PXK: variants seen among roughly 807,000 people sequenced by gnomAD.
The protein encoded by PXK is PX domain containing serine/threonine kinase like, also known as PX domain-containing protein kinase-like protein.
A neutral mutation model predicts 84.7 loss-of-function variants in PXK; 35 were observed. The ratio of observed to expected loss-of-function variants is 0.41; its 90% confidence interval spans 0.32 to 0.55. PXK has a LOEUF of 0.55. Ranked by LOEUF, PXK falls within the 20% of genes least tolerant of loss-of-function variation. The pLI, the probability that PXK is intolerant of heterozygous loss-of-function variation, is 0.21. For missense variants in PXK, 634 were observed against 699.7 expected (o/e 0.91, Z 1.06); for synonymous variants, 253 against 260.8 (o/e 0.97, Z 0.29).
intron 1 of PXK, among the ~76,000 whole-genome samples, chr3:58,361,105 G>A (rs1016098730): frequency 3.3e-4 from 50 of 151,476 alleles, no homozygotes; most frequent in African/African-American, 1.1e-3. Flanking sequence ...GAGACCAGCC[G>A]GGCCAAGGTG....
Position 58,419,156 on chromosome 3 carries a change from A to G in PXK, c.1529-5596A>G, listed in dbSNP as rs150808645. 4.7e-4 allele frequency among the ~76,000 whole-genome samples: 71 copies of G among 152,378 alleles called. No homozygotes were observed. The East Asian group carries it at 0.013, about 27-fold the overall frequency. On this transcript the variant is annotated intron_variant, in intron 17 of 17. Transcript: ENST00000356151. Reference sequence around the variant, plus strand: ...AAGTCTGTCTGTCTAGATTCTTCTCAGCCTCTCTGAGCAGCATTCCTTCCT... The same window carrying G: ...AAGTCTGTCTGTCTAGATTCTTCTCGGCCTCTCTGAGCAGCATTCCTTCCT...
chr3:58,404,367 A>G (rs2059066299), intron 13 of PXK, among the ~76,000 whole-genome samples: 1 of 152,094 alleles, frequency 6.6e-6, no homozygotes, highest in Admixed American at 6.6e-5. Flanking sequence ...TTTGGGTGAG[A>G]TGATTCTTTG....
rs555874091 is a variant in PXK, at chr3:58,417,891, G to C, written c.1528+4928G>C. Among the ~76,000 whole-genome samples the C allele has an allele frequency of 2.6e-5, 4 of 152,286 alleles. No individual in the cohort carries two copies. The East Asian group carries it at 5.8e-4, about 22-fold the overall frequency. On this transcript the variant is annotated intron_variant, in intron 17 of 17. Coordinates refer to ENST00000356151, the MANE Select transcript of PXK (RefSeq NM_017771.5). ...GGGTCTCTCTCTGTCACCTTGGCTG[G>C]AATGCAGTGGTGCAATCACGGCTCA...
At chr3:58,382,012 A>G (rs1180726457) in intron 3 of PXK, among the ~76,000 whole-genome samples, 1 of 152,152 alleles carries the variant, frequency 6.6e-6, no homozygotes, top group East Asian at 1.9e-4. Context: ...TAAAAAAATA[A>G]AGTTTTAAAA....
chr3:58,351,569 T>G (rs1388626034), intron 1 of PXK, among the ~76,000 whole-genome samples: 1 of 152,162 alleles, frequency 6.6e-6, no homozygotes, highest in East Asian at 1.9e-4. Flanking sequence ...CCAGGATTTC[T>G]TATTTTAAAG....
In PXK at chr3:58,332,914, C is replaced by A; in HGVS notation, c.-75C>A. ...CGTGTTGACAGCGGCGGCGGTGGAA[C>A]CGGGCGGGCGGCGGGAGTCGGCGCC... On this transcript the variant is annotated 5_prime_UTR_variant, in exon 1 of 18. Coordinates refer to ENST00000356151, the MANE Select transcript of PXK (RefSeq NM_017771.5). This position sits in a 1 kb window ranked among gnomAD's most constrained non-coding sequence, Gnocchi z 5.6. The A allele has an allele frequency of 2.0e-6, 2 of 979,336 alleles. No homozygotes were observed. The highest frequency in any genetic ancestry group is 2.6e-6 in the Non-Finnish European group (2 of 763,622). 60.7% of individuals were successfully genotyped at this position (979,336 alleles called of 1,614,324 possible). A position where few individuals can be genotyped will look rare whatever the true frequency, so the allele number is the denominator to read the frequency against.
In PXK at chr3:58,390,316, A is replaced by G. The variant is rs1368508842; in HGVS notation, c.389-266A>G. Among the ~76,000 whole-genome samples, 2 of 152,218 alleles carry G rather than the reference A, an allele frequency of 1.3e-5. No individual in the cohort carries two copies. The highest frequency in any genetic ancestry group is 1.9e-4 in the East Asian group (1 of 5,200). Reference sequence around the variant, plus strand: ...TTTATCAAAACTAGAAGTGAATATTAGTAATGTTACTATTAACTATGGGCT... The same window carrying G: ...TTTATCAAAACTAGAAGTGAATATTGGTAATGTTACTATTAACTATGGGCT... On this transcript the variant is annotated intron_variant, in intron 4 of 17. Coordinates refer to ENST00000356151, the MANE Select transcript of PXK (RefSeq NM_017771.5). This position sits in a 1 kb window ranked among gnomAD's most constrained non-coding sequence, Gnocchi z 4.2.
intron 1 of PXK, among the ~76,000 whole-genome samples, chr3:58,355,523 G>C (rs2098056268): frequency 6.6e-6 from 1 of 152,206 alleles, no homozygotes; most frequent in Admixed American, 6.5e-5. Context: ...GGGCCAGAAA[G>C]GTTCAAAATA....
chr3:58,382,868 T>A lies in PXK; in HGVS notation c.388+168T>A, dbSNP rs144686999. Among the ~76,000 whole-genome samples the A allele has an allele frequency of 2.9e-3, 437 of 152,364 alleles. 1 individual carries two copies. Among genetic ancestry groups the A allele is most frequent in the African/African-American group, 0.01 (424 of 41,582 alleles). Reference sequence around the variant, plus strand: ...TTTCTTGATTGTAGTTTACTGTAGATGTATAAGAAGAAAATAAGTTACTTC... The same window carrying A: ...TTTCTTGATTGTAGTTTACTGTAGAAGTATAAGAAGAAAATAAGTTACTTC... On this transcript the variant is annotated intron_variant, in intron 4 of 17. Coordinates refer to ENST00000356151, the MANE Select transcript of PXK (RefSeq NM_017771.5).
At chr3:58,393,021 T>G (rs1238760250) in intron 7 of PXK, among the ~76,000 whole-genome samples, 1 of 152,076 alleles carries the variant, frequency 6.6e-6, no homozygotes, top group South Asian at 2.1e-4. Flanking sequence ...TGGTGCATAT[T>G]AATTGTAGCA....
intron 1 of PXK, among the ~76,000 whole-genome samples, chr3:58,339,899 C>T (rs1311733369): frequency 1.3e-5 from 2 of 151,914 alleles, no homozygotes; most frequent in Non-Finnish European, 2.9e-5. Flanking sequence ...ACTGCAACCT[C>T]CACCTCCTGG....
intron 4 of PXK, among the ~76,000 whole-genome samples, chr3:58,389,922 C>T (rs2098606298): frequency 6.7e-6 from 1 of 150,048 alleles, no homozygotes; most frequent in Non-Finnish European, 1.5e-5. Context: ...TTGCTTGAAC[C>T]CAGGAGGTGG....
chr3:58,381,342 G>C (rs1293174669), intron 3 of PXK, among the ~76,000 whole-genome samples: 2 of 151,838 alleles, frequency 1.3e-5, no homozygotes, highest in African/African-American at 2.4e-5. Context: ...ACAAAATGGG[G>C]TTTAGTATGA....
rs1319584360 is a variant in PXK at position 58,416,781 on chromosome 3, T to TAGC, written c.1528+3818_1528+3819insAGC. On this transcript the variant is annotated intron_variant, in intron 17 of 17. Coordinates refer to ENST00000356151, the MANE Select transcript of PXK (RefSeq NM_017771.5). This position sits in a 1 kb window ranked among gnomAD's most constrained non-coding sequence, Gnocchi z 4.8. ...GATTATAGGCACTCACCACCACGCT[T>TAGC]GGCTAATATTTTTGTATTTTTGATA... is the stretch of plus-strand genomic sequence containing the variant. Among the ~76,000 whole-genome samples the TAGC allele has an allele frequency of 2.6e-5, 4 of 152,116 alleles. No homozygotes were observed. The highest frequency in any genetic ancestry group is 9.6e-5 in the African/African-American group (4 of 41,488).
At position 58,425,485 on chromosome 3, in the gene PXK, C is replaced by T. The variant is rs2062700909; in HGVS notation, c.*525C>T. The T allele has an allele frequency of 6.4e-6, 1 of 155,664 alleles. No homozygotes were observed. The highest frequency in any genetic ancestry group is 1.4e-5 in the Non-Finnish European group (1 of 70,330). The allele number at this position is 155,664 out of a possible 1,614,324, so 9.6% of individuals were successfully genotyped here. ...GTTACTTTGCTAAATCAGAAAGCAA[C>T]TGAGTTCTTTGTTTTCTCCTCAAAT... On this transcript the variant is annotated 3_prime_UTR_variant, in exon 18 of 18. Transcript: ENST00000356151.
chr3:58,415,579 G>A (rs141103032), intron 17 of PXK, among the ~76,000 whole-genome samples: 1 of 152,316 alleles, frequency 6.6e-6, no homozygotes, highest in African/African-American at 2.4e-5. Context: ...GCCCTCTTGG[G>A]CCTTTTATGG....
chr3:58,349,689 A>G (rs2097886592), intron 1 of PXK, among the ~76,000 whole-genome samples: 1 of 152,204 alleles, frequency 6.6e-6, no homozygotes, highest in African/African-American at 2.4e-5. Context: ...TATACCTGCA[A>G]ATAAACAGTC....
At chr3:58,373,360 C>T (rs1348792902) in intron 3 of PXK, among the ~76,000 whole-genome samples, 1 of 152,220 alleles carries the variant, frequency 6.6e-6, no homozygotes, top group Non-Finnish European at 1.5e-5. Context: ...CAGGCGTGAG[C>T]CACAGCGCCT....
At chr3:58,353,587 T>C (rs2097991384) in intron 1 of PXK, among the ~76,000 whole-genome samples, 1 of 152,122 alleles carries the variant, frequency 6.6e-6, no homozygotes, top group Admixed American at 6.5e-5. Flanking sequence ...AAGTGAAATA[T>C]TAAGGACTGT....
Sources: gnomAD v4.1 joint callset for allele counts (sites outside exome capture counted in the v4.1 genomes callset) on GRCh38, gnomAD v4.1.1 for gene constraint, Gnocchi (gnomAD v3.1) non-coding constraint, MANE v1.5 for transcripts, NCBI Gene and HGNC (gene_info 2026-07-23, HGNC 2026-07-21) for gene names.